ZBTB25: variants seen among roughly 807,000 people sequenced by gnomAD.
The protein encoded by ZBTB25 is zinc finger and BTB domain containing 25, also known as zinc finger and BTB domain-containing protein 25.
ZBTB25 carries 20 observed loss-of-function variants against 34.2 expected under a neutral mutation model. The observed-to-expected ratio is 0.58, with a 90% CI of 0.41 to 0.85. ZBTB25 has a LOEUF of 0.85. Among genes scored for constraint, ZBTB25 ranks in the 40% least tolerant of loss-of-function variants. The pLI is 0.00. For missense variants in ZBTB25, 437 were observed against 521.8 expected, an observed-to-expected ratio of 0.84 and a Z score of 1.58; for synonymous variants, 175 against 186.4, an observed-to-expected ratio of 0.94 and a Z score of 0.50.
chr14:64,455,859 C>T (rs1384248929), intron 2 of ZBTB25, among the ~76,000 whole-genome samples: 1 of 152,216 alleles, frequency 6.6e-6, no homozygotes, highest in Non-Finnish European at 1.5e-5. Flanking sequence ...CATCACATCA[C>T]AGTGGTGCTT....
chr14:64,469,291 T>A, intron 2 of ZBTB25: 5 of 1,613,278 alleles, frequency 3.1e-6, no homozygotes, highest in Non-Finnish European at 3.4e-6. Context: ...GTACAGAGAT[T>A]GTAGCTGAAG....
At chr14:64,466,810 C>T (rs2078617408) in intron 2 of ZBTB25, among the ~76,000 whole-genome samples, 2 of 152,176 alleles carry the variant, frequency 1.3e-5, no homozygotes, top group Admixed American at 6.5e-5. Context: ...TTTAGGGCAT[C>T]CACCCACTAA....
chr14:64,501,654 T>C (rs966383841), intron 1 of ZBTB25, among the ~76,000 whole-genome samples: 1 of 152,202 alleles, frequency 6.6e-6, no homozygotes, highest in African/African-American at 2.4e-5. Flanking sequence ...AATGGACAAG[T>C]TGGTCAGGCA....
intron 2 of ZBTB25, chr14:64,469,235 AG>A (rs2078642466): frequency 1.2e-6 from 2 of 1,614,058 alleles, no homozygotes; most frequent in Non-Finnish European, 1.7e-6. Flanking sequence ...GGAAGAAGCC[AG>A]TAACAGTACC....
chr14:64,465,919 T>G (rs1225592220), intron 2 of ZBTB25, among the ~76,000 whole-genome samples: 2 of 152,316 alleles, frequency 1.3e-5, no homozygotes, highest in East Asian at 3.9e-4. Flanking sequence ...GCCATTACAT[T>G]ATAATTCTGC....
chr14:64,454,618 A>ATG, intron 2 of ZBTB25: 1 of 885,552 alleles, frequency 1.1e-6, no homozygotes, highest in East Asian at 2.5e-5. Context: ...AGGGAGTTGG[A>ATG]TGTTTCGAAT....
chr14:64,469,167 A>T (rs1269867402), intron 2 of ZBTB25: 2 of 1,614,058 alleles, frequency 1.2e-6, no homozygotes, highest in East Asian at 2.2e-5. Context: ...ACAGACCATC[A>T]GCAGCCAGTA....
chr14:64,504,611 G>T, upstream of ZBTB25: 1 of 289,100 alleles, frequency 3.5e-6, no homozygotes. Flanking sequence ...GACCGCGGGT[G>T]CCCCTAGCAG....
At chr14:64,469,750 TACTC>T (rs574359550) in intron 2 of ZBTB25, 233 of 1,123,972 alleles carry the variant, frequency 2.1e-4, no homozygotes, top group South Asian at 1.2e-3. Context: ...TGGCATTTCT[TACTC>T]AGTAACAAAT....
chr14:64,488,250 A>C (rs1478271180), intron 2 of ZBTB25, among the ~76,000 whole-genome samples, 193 bp from the exon 3 acceptor site: 1 of 152,176 alleles, frequency 6.6e-6, no homozygotes, highest in African/African-American at 2.4e-5. Context: ...AAAAGTCTTC[A>C]TGTATTCAAT....
Position 64,485,624 on chromosome 14 carries a change from G to T in ZBTB25, c.*1299C>A. Reference sequence around the variant, plus strand: ...ATCATGGATCTTAAATGTAGTTATAGAACACTGAATGTATCCACTTTGCTG... The same window carrying T: ...ATCATGGATCTTAAATGTAGTTATATAACACTGAATGTATCCACTTTGCTG... On this transcript the variant is annotated 3_prime_UTR_variant, in exon 3 of 3. Transcript: ENST00000608382. The T allele has an allele frequency of 2.0e-6, 2 of 985,292 alleles. No individual in the cohort carries two copies. Among genetic ancestry groups the T allele is most frequent in the South Asian group, 9.4e-5 (2 of 21,278 alleles). The allele number at this position is 985,292 out of a possible 1,614,324, so 61.0% of individuals were successfully genotyped here.
In ZBTB25 at chr14:64,479,459, G is replaced by A. The variant is rs1039754673; in HGVS notation, c.*7464C>T. 1 of 152,186 alleles carries A rather than the reference G, an allele frequency of 6.6e-6. No individual in the cohort carries two copies. Among genetic ancestry groups the A allele is most frequent in the Non-Finnish European group, 1.5e-5 (1 of 68,070 alleles). The allele number at this position is 152,186 out of a possible 1,614,324, so 9.4% of individuals were successfully genotyped here. A position where few individuals can be genotyped will look rare whatever the true frequency, so the allele number is the denominator to read the frequency against. ...AATGTTTAATTTTATGTGTCCAAAT[G>A]ACTGGGCCATGGGCTGCCCCAATAG... is the stretch of plus-strand genomic sequence containing the variant. On this transcript the variant is annotated 3_prime_UTR_variant, in exon 3 of 3. Coordinates refer to ENST00000608382, the MANE Select transcript of ZBTB25 (RefSeq NM_006977.5).
chr14:64,461,953 G>A (rs888807086), intron 2 of ZBTB25: 2 of 152,166 alleles, frequency 1.3e-5, no homozygotes, highest in African/African-American at 4.8e-5. Flanking sequence ...GGGATTTGCT[G>A]GGAATTCATT....
chr14:64,505,034 C>G (rs994428513), upstream of ZBTB25: 9 of 380,012 alleles, frequency 2.4e-5, no homozygotes, highest in East Asian at 2.3e-4. Flanking sequence ...AGTGCGGGGC[C>G]GGAGGGGCGC....
chr14:64,473,412 GAA>G (rs1245609121), downstream of ZBTB25: 2 of 166,964 alleles, frequency 1.2e-5, no homozygotes, highest in Non-Finnish European at 1.5e-5. Flanking sequence ...CGGAGTCTTA[GAA>G]TCTCTTTTAT....
chr14:64,500,475 A>AAAAAAAAAAAG lies in ZBTB25; in HGVS notation c.-8+3185_-8+3186insCTTTTTTTTTT, dbSNP rs35009526. Among the ~76,000 whole-genome samples the AAAAAAAAAAAG allele has an allele frequency of 5.5e-3, 386 of 70,420 alleles. 2 individuals are homozygous for AAAAAAAAAAAG. Among genetic ancestry groups the AAAAAAAAAAAG allele is most frequent in the Non-Finnish European group, 9.0e-3 (289 of 32,010 alleles). The allele number at this position is 70,420 out of a possible 152,430, so 46.2% of individuals were successfully genotyped here. A position where few individuals can be genotyped will look rare whatever the true frequency, so the allele number is the denominator to read the frequency against. ...AAAGCAAAAAAAAAAAAAAAAAAAA[A>AAAAAAAAAAAG]AGAGAGAGAGAGAGAAAGAAAATTC... On this transcript the variant is annotated intron_variant, in intron 1 of 2. Transcript: ENST00000608382.
Position 64,469,053 on chromosome 14 carries a change from A to C in ZBTB25, c.174-19415T>G, listed in dbSNP as rs769694792. 5 of 1,614,060 alleles carry C rather than the reference A, an allele frequency of 3.1e-6. No individual in the cohort carries two copies. The East Asian group carries it at 1.1e-4, about 36-fold the overall frequency. On this transcript the variant is annotated intron_variant, in intron 2 of 2. Transcript: ENST00000555220. Reference sequence around the variant, plus strand: ...GTAGAACTTGGATTAGATAATGGGCATTCTGCTATTCAAACGGGAACTCTA... The same window carrying C: ...GTAGAACTTGGATTAGATAATGGGCCTTCTGCTATTCAAACGGGAACTCTA...
At chr14:64,501,488 G>A (rs1287141958) in intron 1 of ZBTB25, among the ~76,000 whole-genome samples, 2 of 152,114 alleles carry the variant, frequency 1.3e-5, no homozygotes, top group African/African-American at 2.4e-5. Context: ...CATGCTATTT[G>A]GAATAAATAC....
chr14:64,472,273 G>T (rs951620798), intron 2 of ZBTB25: 1 of 166,988 alleles, frequency 6.0e-6, no homozygotes, highest in African/African-American at 2.4e-5. Context: ...ACAGTGTATT[G>T]AAGAATCCTG....
Sources: allele counts gnomAD v4.1 joint callset (sites outside exome capture counted in the v4.1 genomes callset), GRCh38; gene constraint gnomAD v4.1.1; transcripts MANE v1.5; gene names NCBI Gene and HGNC (gene_info 2026-07-23, HGNC 2026-07-21).